RAB14: variants seen among roughly 807,000 people sequenced by gnomAD.
The protein encoded by RAB14 is RAB14, member RAS oncogene family, also known as ras-related protein Rab-14.
A neutral mutation model predicts 31.1 loss-of-function variants in RAB14; 3 were observed. That is an observed-to-expected ratio of 0.10 (90% CI 0.04 to 0.25). The LOEUF is 0.25. Among genes scored for constraint, RAB14 ranks in the 10% least tolerant of loss-of-function variants. The pLI is 1.00. For missense variants in RAB14, 111 were observed against 260.1 expected (o/e 0.43, Z 3.94); for synonymous variants, 85 against 84.9 (o/e 1.00, Z 0.00).
rs556892549 is a variant in RAB14, at chr9:121,181,157, G to GA, written c.*238dup. On this transcript the variant is annotated 3_prime_UTR_variant, in exon 8 of 8. Transcript: ENST00000373840. ...ACATACTTATCACGAGGACAAGGGG[G>GA]AAAAAAAGTCTAGATTTACCATGCA... 4 of 365,606 alleles carry GA rather than the reference G, an allele frequency of 1.1e-5. No homozygotes were observed. Among genetic ancestry groups the GA allele is most frequent in the Non-Finnish European group, 1.9e-5 (4 of 206,776 alleles). The allele number at this position is 365,606 out of a possible 1,614,324, so 22.6% of individuals were successfully genotyped here.
At chr9:121,188,900 C>T (rs1375758867) in intron 4 of RAB14, among the ~76,000 whole-genome samples, 1 of 152,058 alleles carries the variant, frequency 6.6e-6, no homozygotes, top group Non-Finnish European at 1.5e-5. Flanking sequence ...TCACCACTAT[C>T]TAATTCTAGA....
intron 1 of RAB14, 120 bp from the exon 2 acceptor site, chr9:121,193,539 G>A: frequency 1.5e-6 from 1 of 652,858 alleles, no homozygotes; most frequent in Non-Finnish European, 2.6e-6. Flanking sequence ...GTTGGTTACA[G>A]TAAGTCAAAA....
chr9:121,186,928 T>G, intron 5 of RAB14, 25 bp downstream of exon 5: 1 of 1,483,722 alleles, frequency 6.7e-7, no homozygotes, highest in Non-Finnish European at 9.0e-7. Flanking sequence ...AAATTTTCTG[T>G]GTAATAAGAT....
chr9:121,180,583 ATTTC>A lies in RAB14; in HGVS notation c.*809_*812del, dbSNP rs2053627306. Reference sequence around the variant, plus strand: ...CTACTTGTGAACTGCAGTTGTGTCTATTTCTTTGTGTGAAATGGAAGGGAGTAAC... The same window carrying A: ...CTACTTGTGAACTGCAGTTGTGTCTATTTGTGTGAAATGGAAGGGAGTAAC... On this transcript the variant is annotated 3_prime_UTR_variant, in exon 8 of 8. Coordinates refer to ENST00000373840, the MANE Select transcript of RAB14 (RefSeq NM_016322.4). The A allele has an allele frequency of 6.6e-6, 1 of 152,560 alleles. No individual in the cohort carries two copies. The highest frequency in any genetic ancestry group is 1.5e-5 in the Non-Finnish European group (1 of 68,024). The allele number at this position is 152,560 out of a possible 1,614,324, so 9.5% of individuals were successfully genotyped here. A position where few individuals can be genotyped will look rare whatever the true frequency, so the allele number is the denominator to read the frequency against.
chr9:121,181,275 GTTTT>G lies in RAB14; in HGVS notation c.*117_*120del, dbSNP rs1232682844. On this transcript the variant is annotated 3_prime_UTR_variant, in exon 8 of 8. Coordinates refer to ENST00000373840, the MANE Select transcript of RAB14 (RefSeq NM_016322.4). ...TGTGTTAAACTGTTTTTACAACAGAGTTTTTTCTTTTTTTTTAATTAAACCCAGT... is the reference window on the plus strand; with the variant it reads ...TGTGTTAAACTGTTTTTACAACAGAGTTCTTTTTTTTTAATTAAACCCAGT... 2.7e-6 allele frequency: 3 copies of G among 1,107,458 alleles called. No individual in the cohort carries two copies. Among genetic ancestry groups the G allele is most frequent in the Admixed American group, 2.7e-5 (1 of 37,378 alleles). 68.6% of individuals were successfully genotyped at this position (1,107,458 alleles called of 1,614,324 possible).
intron 1 of RAB14, among the ~76,000 whole-genome samples, chr9:121,199,908 A>G (rs1819207): frequency 0.87 from 133,051 of 152,244 alleles, 58,240 homozygotes; most frequent in East Asian, 0.96. Flanking sequence ...CCAAAGCTAT[A>G]CTCCTCTCTC....
At chr9:121,190,506 A>G in intron 4 of RAB14, 48 bp downstream of exon 4, 1 of 1,504,224 alleles carries the variant, frequency 6.6e-7, no homozygotes, top group Non-Finnish European at 8.9e-7. Context: ...TTAAATGCCC[A>G]AAGTAGATTT....
chr9:121,185,793 A>G (rs1360867523), intron 5 of RAB14, among the ~76,000 whole-genome samples: 4 of 152,040 alleles, frequency 2.6e-5, no homozygotes, highest in Non-Finnish European at 5.9e-5. Context: ...GAACTGTTTA[A>G]CCATTCACCT....
At chr9:121,187,138 A>C (rs2053663106) in intron 4 of RAB14, 119 bp from the exon 5 acceptor site, 1 of 547,740 alleles carries the variant, frequency 1.8e-6, no homozygotes, top group African/African-American at 2.0e-5. Flanking sequence ...TTGACCAGTT[A>C]CTCAGAACAG....
rs2053616715 is a variant in RAB14, at chr9:121,178,997, T to C, written c.*2399A>G. 1 of 152,180 alleles carries C rather than the reference T, an allele frequency of 6.6e-6. No homozygotes were observed. Among genetic ancestry groups the C allele is most frequent in the Admixed American group, 6.5e-5 (1 of 15,276 alleles). 9.4% of individuals were successfully genotyped at this position (152,180 alleles called of 1,614,324 possible). A position where few individuals can be genotyped will look rare whatever the true frequency, so the allele number is the denominator to read the frequency against. On this transcript the variant is annotated 3_prime_UTR_variant, in exon 8 of 8. Transcript: ENST00000373840. ...GAGCACCTGAGTGTATTACAGGGGA[T>C]TACACATGCATATGATAGAATCTGG...
At chr9:121,194,269 A>G (rs2053703241) in intron 1 of RAB14, among the ~76,000 whole-genome samples, 1 of 152,064 alleles carries the variant, frequency 6.6e-6, no homozygotes, top group Admixed American at 6.6e-5. Flanking sequence ...AGTGCTTCCC[A>G]TACACTATTC....
chr9:121,181,244 T>C lies in RAB14; in HGVS notation c.*152A>G, dbSNP rs2053631484. On this transcript the variant is annotated 3_prime_UTR_variant, in exon 8 of 8. Coordinates refer to ENST00000373840, the MANE Select transcript of RAB14 (RefSeq NM_016322.4). Reference sequence around the variant, plus strand: ...GATTACATCTAGTTGTTTAGCAGTTTAGTATTGTGTTAAACTGTTTTTACA... The same window carrying C: ...GATTACATCTAGTTGTTTAGCAGTTCAGTATTGTGTTAAACTGTTTTTACA... 8.1e-6 allele frequency: 6 copies of C among 738,694 alleles called. No homozygotes were observed. Among genetic ancestry groups the C allele is most frequent in the Non-Finnish European group, 1.2e-5 (6 of 494,794 alleles). 45.8% of individuals were successfully genotyped at this position (738,694 alleles called of 1,614,324 possible). A position where few individuals can be genotyped will look rare whatever the true frequency, so the allele number is the denominator to read the frequency against.
At chr9:121,201,190 C>G (rs772990519) in intron 1 of RAB14, among the ~76,000 whole-genome samples, 1 of 152,176 alleles carries the variant, frequency 6.6e-6, no homozygotes. Context: ...GCCTACGGGA[C>G]GGGACCGCCA....
chr9:121,182,224 A>C (rs544086438), intron 7 of RAB14, among the ~76,000 whole-genome samples: 1 of 152,350 alleles, frequency 6.6e-6, no homozygotes, highest in South Asian at 2.1e-4. Flanking sequence ...TCCAAACAGA[A>C]ATGAAATCTC....
At chr9:121,194,094 T>TCACACACACA (rs56303323) in intron 1 of RAB14, among the ~76,000 whole-genome samples, 43 of 139,044 alleles carry the variant, frequency 3.1e-4, no homozygotes, top group African/African-American at 5.2e-4. Context: ...AGATTATCAC[T>TCACACACACA]CACACACACA....
At chr9:121,184,409 C>T (rs906441058) in intron 5 of RAB14, among the ~76,000 whole-genome samples, 1 of 152,112 alleles carries the variant, frequency 6.6e-6, no homozygotes, top group Admixed American at 6.6e-5. Flanking sequence ...CAGCAAAGGG[C>T]TTTGGCCTTT....
chr9:121,201,333 AG>A (rs1220308069), intron 1 of RAB14, among the ~76,000 whole-genome samples: 1 of 151,980 alleles, frequency 6.6e-6, no homozygotes, highest in Non-Finnish European at 1.5e-5. Context: ...CGCGCCGAGA[AG>A]GCGGGGAAGG....
intron 1 of RAB14, among the ~76,000 whole-genome samples, chr9:121,198,228 T>C (rs539212117): frequency 2.4e-4 from 37 of 152,282 alleles, no homozygotes; most frequent in African/African-American, 8.7e-4. Flanking sequence ...TCTATTTTAA[T>C]ACAGGTTAAA....
chr9:121,200,985 G>A (rs945855420), intron 1 of RAB14, among the ~76,000 whole-genome samples: 1 of 152,228 alleles, frequency 6.6e-6, no homozygotes, highest in African/African-American at 2.4e-5. Flanking sequence ...GTTCAGGGCC[G>A]TAGAGGCTGT....
Sources: gnomAD v4.1 joint callset for allele counts (sites outside exome capture counted in the v4.1 genomes callset) on GRCh38, gnomAD v4.1.1 for gene constraint, MANE v1.5 for transcripts, NCBI Gene and HGNC (gene_info 2026-07-23, HGNC 2026-07-21) for gene names.